The following DROSHA variants were observed in gnomAD, a reference collection of about 807,000 sequenced individuals.
DROSHA encodes drosha ribonuclease III, also known as ribonuclease 3.
In DROSHA, 56 loss-of-function variants were observed where a neutral mutation model predicts 181.9. The ratio of observed to expected loss-of-function variants is 0.31; its 90% CI spans 0.25 to 0.38. The LOEUF is 0.38. DROSHA is among the 10% of genes least tolerant of loss of function. DROSHA has a pLI of 1.00. For synonymous variants in DROSHA, 524 were observed against 591.2 expected, an observed-to-expected ratio of 0.89 and a Z score of 1.65; for missense variants, 1,218 against 1,743.5, an observed-to-expected ratio of 0.70 and a Z score of 5.37.
intron 6 of DROSHA, among the ~76,000 whole-genome samples, chr5:31,517,157 C>T (rs556870398): frequency 6.6e-6 from 1 of 152,254 alleles, no homozygotes; most frequent in South Asian, 2.1e-4. Flanking sequence ...CTTTTGTGAA[C>T]ATTCTGGTCA....
chr5:31,421,440 C>A, intron 29 of DROSHA, 63 bp from the exon 30 acceptor site: 2 of 1,319,954 alleles, frequency 1.5e-6, no homozygotes, highest in Admixed American at 1.9e-5. Flanking sequence ...AAAAAAACAC[C>A]CAGAATTTTA....
In DROSHA at chr5:31,405,738, A is replaced by G; in HGVS notation, c.3948-15T>C. On this transcript the variant is annotated splice_polypyrimidine_tract_variant and intron_variant, in intron 34 of 35. Transcript: ENST00000344624. ...CTTGCTGAATACTATTAAATAAAAT[A>G]AAGTAAGACATACTTTAATTTCAAG... is the stretch of plus-strand genomic sequence containing the variant. The G allele has an allele frequency of 6.7e-7, 1 of 1,492,618 alleles. No individual in the cohort carries two copies. 92.5% of individuals were successfully genotyped at this position (1,492,618 alleles called of 1,614,324 possible). A position where few individuals can be genotyped will look rare whatever the true frequency, so the allele number is the denominator to read the frequency against.
chr5:31,525,329 CAAAAAAAAAAAAA>C (rs34043904), intron 5 of DROSHA, among the ~76,000 whole-genome samples: 1 of 46,056 alleles, frequency 2.2e-5, no homozygotes, highest in Non-Finnish European at 3.6e-5. Flanking sequence ...GACTTCATCT[CAAAAAAAAAAAAA>C]AAAAAAAAAA....
At chr5:31,436,218 G>A (rs867816999) in intron 24 of DROSHA, among the ~76,000 whole-genome samples, 6 of 152,122 alleles carry the variant, frequency 3.9e-5, no homozygotes, top group Non-Finnish European at 1.5e-5. Flanking sequence ...GCTGTGTTAC[G>A]TGTGGCCCCT....
intron 33 of DROSHA, 171 bp from the exon 34 acceptor site, chr5:31,407,116 C>T (rs945180723): frequency 2.7e-5 from 11 of 408,832 alleles, no homozygotes; most frequent in East Asian, 1.9e-4. Context: ...TTTGCTAATC[C>T]GACAAATATC....
At chr5:31,446,676 TAAA>T (rs35657251) in intron 23 of DROSHA, among the ~76,000 whole-genome samples, 5 of 128,014 alleles carry the variant, frequency 3.9e-5, no homozygotes, top group East Asian at 2.3e-4. Flanking sequence ...TGTCTCTATT[TAAA>T]AAAAAAAAAA....
chr5:31,519,660 G>C (rs1265769236), intron 6 of DROSHA, among the ~76,000 whole-genome samples: 2 of 152,012 alleles, frequency 1.3e-5, no homozygotes, highest in Non-Finnish European at 2.9e-5. Flanking sequence ...TGACTCTTTG[G>C]GGATGGTATC....
intron 23 of DROSHA, among the ~76,000 whole-genome samples, chr5:31,446,416 C>G (rs1163904748): frequency 7.7e-6 from 1 of 130,540 alleles, no homozygotes; most frequent in Non-Finnish European, 1.5e-5. Context: ...CACTGCACTC[C>G]AGCCTGGGCG....
intron 11 of DROSHA, among the ~76,000 whole-genome samples, chr5:31,497,948 A>G (rs1753178357): frequency 6.6e-6 from 1 of 152,244 alleles, no homozygotes; most frequent in Admixed American, 6.5e-5. Context: ...CCAAGTCACC[A>G]GGAGGGTCTT....
At chr5:31,438,961 G>A (rs1745215133) in intron 23 of DROSHA, among the ~76,000 whole-genome samples, 1 of 152,160 alleles carries the variant, frequency 6.6e-6, no homozygotes, top group African/African-American at 2.4e-5. Flanking sequence ...TTTCAAGAGA[G>A]AAGTGGTAAG....
At chr5:31,437,827 C>T (rs1008444244) in intron 23 of DROSHA, among the ~76,000 whole-genome samples, 9 of 152,156 alleles carry the variant, frequency 5.9e-5, no homozygotes, top group African/African-American at 2.2e-4. Context: ...CCAAAACTGC[C>T]TGGCACTCTC....
In DROSHA at chr5:31,530,811, A is replaced by G. The variant is rs1284551877; in HGVS notation, c.-60T>C. ...TACAGCACTTACCAGAGACTGCCTC[A>G]TATCATAGTGAAGTATGCACACGTC... On this transcript the variant is annotated 5_prime_UTR_variant, in exon 3 of 36. The change abolishes an upstream ATG in the 5' untranslated region. Coordinates refer to ENST00000344624, the MANE Select transcript of DROSHA (RefSeq NM_001382508.1). 2.5e-6 allele frequency: 1 copy of G among 398,362 alleles called. No homozygotes were observed. The highest frequency in any genetic ancestry group is 4.4e-6 in the Non-Finnish European group (1 of 226,054). 24.7% of individuals were successfully genotyped at this position (398,362 alleles called of 1,614,324 possible).
intron 31 of DROSHA, 128 bp downstream of exon 31, chr5:31,410,618 T>C (rs981664984): frequency 7.3e-7 from 1 of 1,370,454 alleles, no homozygotes; most frequent in Non-Finnish European, 9.7e-7. Flanking sequence ...GTAAAAAGCA[T>C]AAAAAATTAA....
At chr5:31,412,069 A>G (rs1741377116) in intron 30 of DROSHA, among the ~76,000 whole-genome samples, 1 of 152,240 alleles carries the variant, frequency 6.6e-6, no homozygotes, top group South Asian at 2.1e-4. Flanking sequence ...AACACTATAC[A>G]CTGCATGAAA....
chr5:31,504,868 C>G (rs1381561910), intron 10 of DROSHA, among the ~76,000 whole-genome samples: 2 of 152,132 alleles, frequency 1.3e-5, no homozygotes, highest in African/African-American at 2.4e-5. Flanking sequence ...ATTTGTGCAG[C>G]CAAGCAGAAA....
At chr5:31,513,082 G>A (rs964560292) in intron 8 of DROSHA, among the ~76,000 whole-genome samples, 1 of 152,160 alleles carries the variant, frequency 6.6e-6, no homozygotes, top group African/African-American at 2.4e-5. Context: ...AAGGAAAAAT[G>A]AATCCCTGGG....
chr5:31,490,739 T>A (rs939655199), intron 13 of DROSHA, among the ~76,000 whole-genome samples: 1 of 152,218 alleles, frequency 6.6e-6, no homozygotes, highest in Admixed American at 6.5e-5. Context: ...TAAAGCAATT[T>A]AACAATTCTT....
chr5:31,410,354 T>C (rs572031946), intron 31 of DROSHA, among the ~76,000 whole-genome samples: 3 of 152,334 alleles, frequency 2.0e-5, no homozygotes, highest in Admixed American at 6.5e-5. Context: ...CAATGAATAA[T>C]AGTTTCAGTA....
intron 22 of DROSHA, among the ~76,000 whole-genome samples, 186 bp downstream of exon 22, chr5:31,449,095 A>G (rs1023172017): frequency 2.6e-5 from 4 of 151,980 alleles, no homozygotes; most frequent in African/African-American, 9.7e-5. Flanking sequence ...AGATCGTGCC[A>G]CTGCACTCCA....
Sources: gnomAD v4.1 joint callset for allele counts (sites outside exome capture counted in the v4.1 genomes callset) on GRCh38, gnomAD v4.1.1 for gene constraint, MANE v1.5 for transcripts, NCBI Gene and HGNC (gene_info 2026-07-23, HGNC 2026-07-21) for gene names.